The following DPP10 variants were observed in gnomAD, a reference collection of about 807,000 sequenced individuals.
DPP10 encodes the protein inactive dipeptidyl peptidase 10.
DPP10 carries 33 observed loss-of-function variants against 120.9 expected under a neutral mutation model. That is an observed-to-expected ratio of 0.27 (90% CI 0.21 to 0.37). The LOEUF (loss-of-function observed/expected upper bound fraction) is 0.37. Among genes scored for constraint, DPP10 ranks in the 10% least tolerant of loss-of-function variants. DPP10 has a pLI of 1.00. For missense variants in DPP10, 816 were observed against 942.8 expected (o/e 0.87, Z 1.76); for synonymous variants, 337 against 326.1 (o/e 1.03, Z -0.36).
At position 114,693,270 on chromosome 2, in the gene DPP10, C is replaced by T. The variant is rs142424697; in HGVS notation, c.60+250432C>T. Among the ~76,000 whole-genome samples the T allele has an allele frequency of 2.6e-3, 401 of 151,986 alleles. 4 individuals are homozygous for T. Among genetic ancestry groups the T allele is most frequent in the African/African-American group, 8.7e-3 (359 of 41,490 alleles). On this transcript the variant is annotated intron_variant, in intron 1 of 25. Transcript: ENST00000410059. ...TTTCAGGAGCTCTTACAAGGCAGTC[C>T]TGAGGGTGACAAATTCCCTCAGGAT...
At chr2:115,608,401 A>G (rs2083853797) in intron 5 of DPP10, among the ~76,000 whole-genome samples, 1 of 130,500 alleles carries the variant, frequency 7.7e-6, no homozygotes, top group Admixed American at 8.6e-5. Flanking sequence ...AACAACAACA[A>G]TAATAACAAT....
At chr2:114,642,405 TC>T (rs936607969) in intron 1 of DPP10, among the ~76,000 whole-genome samples, 20 of 152,106 alleles carry the variant, frequency 1.3e-4, no homozygotes, top group African/African-American at 4.8e-4. Flanking sequence ...AAGCACAAGT[TC>T]TTTTCTCTAG....
intron 1 of DPP10, among the ~76,000 whole-genome samples, chr2:115,083,367 G>A (rs1708431009): frequency 6.6e-6 from 1 of 152,056 alleles, no homozygotes; most frequent in South Asian, 2.1e-4. Context: ...ATGTCCCGAG[G>A]CCCTATGCTT....
At chr2:114,540,426 T>C (rs1686863026) in intron 1 of DPP10, among the ~76,000 whole-genome samples, 1 of 152,202 alleles carries the variant, frequency 6.6e-6, no homozygotes, top group Non-Finnish European at 1.5e-5. Context: ...TTAAAAAGGT[T>C]GGGTATAAGC....
intron 7 of DPP10, among the ~76,000 whole-genome samples, chr2:115,721,603 A>G (rs1021485336): frequency 1.3e-5 from 2 of 152,184 alleles, no homozygotes; most frequent in African/African-American, 2.4e-5. Flanking sequence ...TATTATAAAA[A>G]AAAAAGTGTT....
Position 115,458,297 on chromosome 2 carries a change from T to G in DPP10, c.272-41213T>G, listed in dbSNP as rs913534850. 1.4e-4 allele frequency among the ~76,000 whole-genome samples: 22 copies of G among 152,282 alleles called. 1 individual carries two copies. The South Asian group carries it at 2.3e-3, about 16-fold the overall frequency. On this transcript the variant is annotated intron_variant, in intron 3 of 25. Transcript: ENST00000410059. The stretch of plus-strand genomic sequence containing the variant: ...GGAAATTCTCAAGAATGTGATTATT[T>G]TAATTATGATGGGAACAAGGTAACT...
chr2:115,458,401 C>T (rs559651675), intron 3 of DPP10, among the ~76,000 whole-genome samples: 9 of 152,130 alleles, frequency 5.9e-5, no homozygotes, highest in Non-Finnish European at 7.4e-5. Context: ...ATTGTTTAGA[C>T]ACTACTTTTG....
chr2:114,669,547 A>G (rs1698179462), intron 1 of DPP10, among the ~76,000 whole-genome samples: 1 of 152,138 alleles, frequency 6.6e-6, no homozygotes, highest in Admixed American at 6.6e-5. Flanking sequence ...ACAGTATTGA[A>G]TTGATGGCAC....
chr2:114,939,264 G>A (rs1239111181), intron 1 of DPP10, among the ~76,000 whole-genome samples: 2 of 151,980 alleles, frequency 1.3e-5, no homozygotes, highest in African/African-American at 2.4e-5. Context: ...GGAAGAGCAG[G>A]TGTTGAAAGG....
intron 3 of DPP10, among the ~76,000 whole-genome samples, chr2:115,438,312 G>T (rs1558659449): frequency 6.6e-6 from 1 of 152,040 alleles, no homozygotes; most frequent in East Asian, 1.9e-4. Flanking sequence ...CGGAAGAAAT[G>T]GTGCTTCCTC....
chr2:115,241,642 AG>A (rs1238081483), intron 1 of DPP10, among the ~76,000 whole-genome samples: 1 of 152,168 alleles, frequency 6.6e-6, no homozygotes, highest in Non-Finnish European at 1.5e-5. Flanking sequence ...AGAGACACAC[AG>A]GCTTTCTTTC....
At chr2:115,099,180 G>T (rs1396737191) in intron 1 of DPP10, among the ~76,000 whole-genome samples, 2 of 152,008 alleles carry the variant, frequency 1.3e-5, no homozygotes, top group Admixed American at 6.5e-5. Flanking sequence ...TGGACGTGGT[G>T]GTGGGTGCCT....
intron 7 of DPP10, among the ~76,000 whole-genome samples, chr2:115,718,391 G>T (rs1024659071): frequency 2.0e-5 from 3 of 152,146 alleles, no homozygotes; most frequent in Admixed American, 2.0e-4. Flanking sequence ...GAGATCTCAT[G>T]TCTCTGTGAT....
intron 1 of DPP10, among the ~76,000 whole-genome samples, chr2:114,874,352 C>A (rs1690970142): frequency 6.6e-6 from 1 of 152,144 alleles, no homozygotes; most frequent in Admixed American, 6.6e-5. Flanking sequence ...AAATCCTAAT[C>A]ATCAAGGTCA....
chr2:115,464,902 T>C (rs970809909), intron 3 of DPP10, among the ~76,000 whole-genome samples: 6 of 152,068 alleles, frequency 3.9e-5, no homozygotes, highest in African/African-American at 1.4e-4. Flanking sequence ...ATTTCCATAA[T>C]CTCAAGTCTA....
intron 1 of DPP10, among the ~76,000 whole-genome samples, chr2:114,627,585 A>C (rs1165221105): frequency 6.6e-6 from 1 of 152,036 alleles, no homozygotes; most frequent in Non-Finnish European, 1.5e-5. Context: ...AAAGAGGCCA[A>C]TAGAGGGGGT....
intron 7 of DPP10, among the ~76,000 whole-genome samples, chr2:115,712,321 G>T (rs1371428966): frequency 6.6e-6 from 1 of 150,528 alleles, no homozygotes. Context: ...CCACTGATCT[G>T]ACAGGAGGCG....
At chr2:115,645,099 A>G (rs1188714280) in intron 5 of DPP10, among the ~76,000 whole-genome samples, 3 of 152,138 alleles carry the variant, frequency 2.0e-5, no homozygotes, top group Non-Finnish European at 4.4e-5. Flanking sequence ...TGATACCATG[A>G]AAAGTATTCT....
rs747785946 is a variant in DPP10, at chr2:114,871,254, A to AT, written c.60+428416_60+428417insT. On this transcript the variant is annotated intron_variant, in intron 1 of 25. Transcript: ENST00000410059. ...TCCATCTTTCTCTATTATTGGGGGA[A>AT]AGAACACTGAAGAAACAAGACTTTA... Among the ~76,000 whole-genome samples the AT allele has an allele frequency of 7.4e-3, 620 of 83,996 alleles. 75 individuals are homozygous for AT. The highest frequency in any genetic ancestry group is 0.062 in the East Asian group (58 of 940). 55.1% of individuals were successfully genotyped at this position (83,996 alleles called of 152,430 possible).
Sources: allele counts gnomAD v4.1 joint callset (sites outside exome capture counted in the v4.1 genomes callset), GRCh38; gene constraint gnomAD v4.1.1; transcripts MANE v1.5; gene names NCBI Gene and HGNC (gene_info 2026-07-23, HGNC 2026-07-21).